The following MPDZ variants were observed in gnomAD, a reference collection of about 807,000 sequenced individuals.
MPDZ encodes the protein multiple PDZ domain crumbs cell polarity complex component, also known as multiple PDZ domain protein.
A neutral mutation model predicts 239.1 loss-of-function variants in MPDZ; 234 were observed. The observed-to-expected ratio is 0.98, with a 90% confidence interval of 0.88 to 1.09. The LOEUF (loss-of-function observed/expected upper bound fraction) is 1.09. Among genes scored for constraint, MPDZ ranks in the 50% least tolerant of loss-of-function variants. The pLI, the probability that MPDZ is intolerant of heterozygous loss-of-function variation, is 0.00. For synonymous variants in MPDZ, 1,048 were observed against 881.3 expected (o/e 1.19, Z -3.35); for missense variants, 3,175 against 2,510.0 (o/e 1.26, Z -5.66).
At chr9:13,220,345 G>A (rs1958947232) in intron 7 of MPDZ, among the ~76,000 whole-genome samples, 1 of 151,968 alleles carries the variant, frequency 6.6e-6, no homozygotes, top group African/African-American at 2.4e-5. Flanking sequence ...TTTCTGCAAT[G>A]ATGGAACTCT....
intron 12 of MPDZ, among the ~76,000 whole-genome samples, chr9:13,203,343 G>C (rs1300579446): frequency 6.6e-6 from 1 of 152,124 alleles, no homozygotes; most frequent in African/African-American, 2.4e-5. Flanking sequence ...CAGCTAGACA[G>C]TGATTTAAGC....
intron 6 of MPDZ, among the ~76,000 whole-genome samples, chr9:13,221,907 C>A (rs1047394788): frequency 1.3e-5 from 2 of 151,990 alleles, no homozygotes; most frequent in African/African-American, 4.8e-5. Flanking sequence ...ACAGCTAACT[C>A]TAACAATATA....
At chr9:13,250,915 G>A (rs1329932681) in intron 1 of MPDZ, among the ~76,000 whole-genome samples, 1 of 151,934 alleles carries the variant, frequency 6.6e-6, no homozygotes, top group Non-Finnish European at 1.5e-5. Context: ...CGTCACTTGA[G>A]GTCAGGAGTT....
chr9:13,157,104 G>A (rs766609758), intron 24 of MPDZ, among the ~76,000 whole-genome samples: 14 of 152,136 alleles, frequency 9.2e-5, no homozygotes, highest in Non-Finnish European at 2.1e-4. Flanking sequence ...GGCAGGGGAC[G>A]TCATTAAATT....
chr9:13,179,082 T>A (rs146987778), intron 19 of MPDZ, among the ~76,000 whole-genome samples: 1 of 152,104 alleles, frequency 6.6e-6, no homozygotes, highest in African/African-American at 2.4e-5. Flanking sequence ...ACTTATTATC[T>A]CTCTAGAATT....
chr9:13,200,851 T>A (rs1956298154), intron 12 of MPDZ, among the ~76,000 whole-genome samples: 1 of 152,062 alleles, frequency 6.6e-6, no homozygotes, highest in Non-Finnish European at 1.5e-5. Flanking sequence ...GCCTGGAGTA[T>A]GTTCCATATG....
chr9:13,236,114 G>T (rs76081194), intron 3 of MPDZ, among the ~76,000 whole-genome samples: 3,158 of 148,576 alleles, frequency 0.021, 108 homozygotes, highest in East Asian at 0.16. Context: ...TTAAAACTAC[G>T]TAATAAGAGA....
chr9:13,178,208 C>G (rs1357200876), intron 19 of MPDZ, among the ~76,000 whole-genome samples: 1 of 146,282 alleles, frequency 6.8e-6, no homozygotes. Context: ...GCAGTTAGCC[C>G]AGATTGTGCC....
At chr9:13,212,446 A>G (rs140634073) in intron 10 of MPDZ, among the ~76,000 whole-genome samples, 111 of 152,166 alleles carry the variant, frequency 7.3e-4, no homozygotes, top group African/African-American at 2.5e-3. Context: ...GAAGTGAGTA[A>G]TAAACATAAA....
Position 13,224,563 on chromosome 9 carries a change from T to C in MPDZ, c.204A>G (p.Ala68=). The C allele has an allele frequency of 6.2e-7, 1 of 1,610,484 alleles. No homozygotes were observed. Among genetic ancestry groups the C allele is most frequent in the Middle Eastern group, 1.7e-4 (1 of 6,032 alleles). The change falls in exon 4 of 47, where the codon GCA becomes GCG. Residue 68 remains alanine, a synonymous_variant. Transcript: ENST00000319217. ...CGTGGGCATATTCAATATTTGAAGT[T>C]GCTGAAGTTGCAATATTTACCTAAG... ...LKDQVNIATS[A]TSNIEYAHVP...
chr9:13,148,926 A>T (rs1948786616), intron 25 of MPDZ, among the ~76,000 whole-genome samples: 1 of 152,036 alleles, frequency 6.6e-6, no homozygotes, highest in African/African-American at 2.4e-5. Context: ...GGTGAACTTT[A>T]ACTTTTTAAA....
chr9:13,223,272 T>C (rs1029264517), intron 5 of MPDZ, among the ~76,000 whole-genome samples: 13 of 151,916 alleles, frequency 8.6e-5, no homozygotes, highest in Admixed American at 7.2e-4. Context: ...ATTTCTAGCA[T>C]GGTAATTTTA....
At chr9:13,107,325 G>C (rs1941630048) in intron 46 of MPDZ, among the ~76,000 whole-genome samples, 1 of 152,296 alleles carries the variant, frequency 6.6e-6, no homozygotes, top group Non-Finnish European at 1.5e-5. Flanking sequence ...ACCAATTTGA[G>C]AGAGAATTTA....
In MPDZ at chr9:13,168,386, A is replaced by T; in HGVS notation, c.3234T>A (p.Ser1078=). The T allele has an allele frequency of 6.2e-7, 1 of 1,613,008 alleles. No homozygotes were observed. The highest frequency in any genetic ancestry group is 8.5e-7 in the Non-Finnish European group (1 of 1,179,312). Reference sequence around the variant, plus strand: ...CTTACTTTATGTCAGGGCCAATGAGAGAATGTCTTCTCAACATAGCTCGTG... The same window carrying T: ...CTTACTTTATGTCAGGGCCAATGAGTGAATGTCTTCTCAACATAGCTCGTG... ...AQARAMLRRH[S]LIGPDIKITY... Residue 1078 remains serine (S), a synonymous_variant, in exon 22 of 47, where the codon TCT becomes TCA. Coordinates refer to ENST00000319217, the MANE Select transcript of MPDZ (RefSeq NM_001378778.1).
chr9:13,144,542 T>C (rs1208718523), intron 26 of MPDZ, among the ~76,000 whole-genome samples: 1 of 152,100 alleles, frequency 6.6e-6, no homozygotes, highest in African/African-American at 2.4e-5. Context: ...TTGGCTCCAA[T>C]TAAATGTTTG....
At position 13,141,898 on chromosome 9, in the gene MPDZ, TG is replaced by T. The variant is rs201127809; in HGVS notation, c.3840+1567del. Among the ~76,000 whole-genome samples the T allele has an allele frequency of 6.3e-3, 952 of 152,300 alleles. 10 individuals are homozygous for T. The highest frequency in any genetic ancestry group is 0.021 in the African/African-American group (868 of 41,582). Reference sequence around the variant, plus strand: ...AACAGATAAAAGTTACTAATGTAAATGGAACCCTTGTTATGTTCCCAAATGC... The same window carrying T: ...AACAGATAAAAGTTACTAATGTAAATGAACCCTTGTTATGTTCCCAAATGC... On this transcript the variant is annotated intron_variant, in intron 27 of 46. Coordinates refer to ENST00000319217, the MANE Select transcript of MPDZ (RefSeq NM_001378778.1).
chr9:13,215,882 C>G (rs1013019720), intron 10 of MPDZ, among the ~76,000 whole-genome samples: 2 of 149,760 alleles, frequency 1.3e-5, no homozygotes, highest in African/African-American at 4.9e-5. Flanking sequence ...ATCCTCCCAC[C>G]TTGGCCTCCC....
intron 10 of MPDZ, among the ~76,000 whole-genome samples, chr9:13,214,851 G>A (rs994848371): frequency 6.6e-6 from 1 of 151,958 alleles, no homozygotes; most frequent in African/African-American, 2.4e-5. Context: ...TTGATCTTTA[G>A]TGTAGATCTG....
chr9:13,169,286 A>T (rs2133929932), intron 21 of MPDZ, among the ~76,000 whole-genome samples: 1 of 152,230 alleles, frequency 6.6e-6, no homozygotes, highest in East Asian at 1.9e-4. Context: ...CAGGAAATGC[A>T]ATCTTAGCAT....
Sources: allele counts gnomAD v4.1 joint callset (sites outside exome capture counted in the v4.1 genomes callset), GRCh38; gene constraint gnomAD v4.1.1; transcripts MANE v1.5; gene names NCBI Gene and HGNC (gene_info 2026-07-23, HGNC 2026-07-21).